The following SNPH variants were observed in gnomAD, a reference collection of about 807,000 sequenced individuals.
The protein encoded by SNPH is syntaphilin.
In SNPH, 10 loss-of-function variants were observed where a neutral mutation model predicts 36.8. That is an observed-to-expected ratio of 0.27 (90% CI 0.17 to 0.46). SNPH has a LOEUF of 0.46. SNPH is among the 20% of genes least tolerant of loss of function. SNPH has a pLI of 1.00. For missense variants in SNPH, 622 were observed against 744.0 expected (o/e 0.84, Z 1.91); for synonymous variants, 281 against 312.2 (o/e 0.90, Z 1.05).
intron 2 of SNPH, among the ~76,000 whole-genome samples, chr20:1,288,146 T>C (rs1482343637): frequency 6.6e-6 from 1 of 152,240 alleles, no homozygotes; most frequent in African/African-American, 2.4e-5. Context: ...GAGTCACTCA[T>C]GCCTGGGCCT....
rs1366815329 is a variant in SNPH at position 1,305,657 on chromosome 20, C to T, written c.1220C>T (p.Ser407Leu). ...CCTTCAGGGCCCAGAGACCCCAACT[C>T]AGCAGTGGTGGTGACAGTGGGTGAT... ...AHPSGPRDPN[S>L]AVVVTVGDEL... The change falls in exon 7 of 7, where the codon TCA becomes TTA. Residue 407 changes from serine (S) to leucine (L), a missense_variant. Coordinates refer to ENST00000381867, the MANE Select transcript of SNPH (RefSeq NM_001318234.2). The T allele has an allele frequency of 3.1e-6, 5 of 1,612,928 alleles. No homozygotes were observed. The African/African-American group carries it at 5.3e-5, about 17-fold the overall frequency.
rs753407068 is a variant in SNPH at position 1,305,448 on chromosome 20, T to C, written c.1011T>C (p.Tyr337=). 76 of 1,611,682 alleles carry C rather than the reference T, an allele frequency of 4.7e-5. 1 individual carries two copies. Among genetic ancestry groups the C allele is most frequent in the Non-Finnish European group, 6.4e-5 (76 of 1,178,746 alleles). ...CCCGCTTCCCTGCCAGCAACACCTA[T>C]GAGAAGCTGCTGTGTGGCATGGAGG... is the stretch of plus-strand genomic sequence containing the variant. The part of the protein sequence containing the change: ...LGPRFPASNT[Y]EKLLCGMEAG... Residue 337 remains tyrosine, a synonymous_variant, in exon 7 of 7, where the codon TAT becomes TAC. Coordinates refer to ENST00000381867, the MANE Select transcript of SNPH (RefSeq NM_001318234.2).
chr20:1,267,863 C>T (rs1048062918), intron 2 of SNPH, among the ~76,000 whole-genome samples: 1 of 152,198 alleles, frequency 6.6e-6, no homozygotes, highest in Admixed American at 6.5e-5. Flanking sequence ...TCCCTTCCCC[C>T]AGCCTCAGTT....
At chr20:1,301,022 T>G (rs979933427) in intron 6 of SNPH, among the ~76,000 whole-genome samples, 10 of 152,242 alleles carry the variant, frequency 6.6e-5, no homozygotes, top group Non-Finnish European at 1.5e-4. Flanking sequence ...CTTTGGCTGC[T>G]TCTTTTCCTC....
rs1307121359 is a variant in SNPH at position 1,308,058 on chromosome 20, T to C, written c.*2004T>C. On this transcript the variant is annotated 3_prime_UTR_variant, in exon 7 of 7. Transcript: ENST00000381867. ...TATATTTGACAACATAAAATCTCTC[T>C]ATTTTTCACCACTGGAATTTAGTCA... is the stretch of plus-strand genomic sequence containing the variant. 1 of 152,696 alleles carries C rather than the reference T, an allele frequency of 6.5e-6. No homozygotes were observed. The highest frequency in any genetic ancestry group is 1.5e-5 in the Non-Finnish European group (1 of 68,118). The allele number at this position is 152,696 out of a possible 1,614,324, so 9.5% of individuals were successfully genotyped here.
intron 2 of SNPH, among the ~76,000 whole-genome samples, chr20:1,292,292 G>C (rs528729696): frequency 6.6e-6 from 1 of 152,208 alleles, no homozygotes; most frequent in Non-Finnish European, 1.5e-5. Flanking sequence ...AGATGCTGCA[G>C]ATGGGACAAA....
At chr20:1,286,516 T>C (rs1466693687) in intron 2 of SNPH, among the ~76,000 whole-genome samples, 1 of 152,174 alleles carries the variant, frequency 6.6e-6, no homozygotes, top group Non-Finnish European at 1.5e-5. Flanking sequence ...GTCTCCCTGC[T>C]GAGCCCCTGG....
intron 2 of SNPH, among the ~76,000 whole-genome samples, chr20:1,270,506 G>A (rs1023275168): frequency 7.2e-5 from 11 of 152,092 alleles, no homozygotes; most frequent in Admixed American, 3.9e-4. Context: ...GGTTCTACTC[G>A]ATTTAGAATG....
At chr20:1,298,461 G>A (rs1412628477) in intron 5 of SNPH, among the ~76,000 whole-genome samples, 1 of 152,262 alleles carries the variant, frequency 6.6e-6, no homozygotes, top group African/African-American at 2.4e-5. Flanking sequence ...TAACACCCAT[G>A]TGCAGGACTC....
chr20:1,304,836 G>A lies in SNPH; in HGVS notation c.441-42G>A. 6.5e-7 allele frequency: 1 copy of A among 1,546,792 alleles called. No homozygotes were observed. Among genetic ancestry groups the A allele is most frequent in the African/African-American group, 1.4e-5 (1 of 73,916 alleles). ...CCTCTCCTTGGCGGTGACAGACCAG[G>A]CAGGCAGGCAGTGAGCGTGTGTGTG... is the stretch of plus-strand genomic sequence containing the variant. On this transcript the variant is annotated intron_variant, in intron 6 of 6. Transcript: ENST00000381867. This position sits in a 1 kb window ranked among gnomAD's most constrained non-coding sequence, Gnocchi z 4.3.
Position 1,291,063 on chromosome 20 carries a change from T to A in SNPH, c.-492-3888T>A, listed in dbSNP as rs529608199. Among the ~76,000 whole-genome samples, 241 of 152,328 alleles carry A rather than the reference T, an allele frequency of 1.6e-3. 1 individual carries two copies. The highest frequency in any genetic ancestry group is 5.6e-3 in the African/African-American group (231 of 41,562). On this transcript the variant is annotated intron_variant, in intron 2 of 6. Transcript: ENST00000381867. ...GGCCCAAGCCACCCCTCCCAGTAGG[T>A]GCAGAGGCAAGTCCTCTTGGGTGGT...
chr20:1,290,141 G>A lies in SNPH; in HGVS notation c.-492-4810G>A, dbSNP rs570863176. Among the ~76,000 whole-genome samples, 856 of 152,134 alleles carry A rather than the reference G, an allele frequency of 5.6e-3. 5 individuals carry two copies. Among genetic ancestry groups the A allele is most frequent in the Non-Finnish European group, 8.0e-3 (544 of 67,998 alleles). ...TCATGAGAATCACTTGAACCCGGGAGGCGGAGGTTGCAGTGAGCTGAGATC... is the reference window on the plus strand; with the variant it reads ...TCATGAGAATCACTTGAACCCGGGAAGCGGAGGTTGCAGTGAGCTGAGATC... On this transcript the variant is annotated intron_variant, in intron 2 of 6. Coordinates refer to ENST00000381867, the MANE Select transcript of SNPH (RefSeq NM_001318234.2).
At chr20:1,303,617 C>A (rs1159329474) in intron 6 of SNPH, among the ~76,000 whole-genome samples, 1 of 152,208 alleles carries the variant, frequency 6.6e-6, no homozygotes, top group Non-Finnish European at 1.5e-5. Flanking sequence ...TGGATGGGCC[C>A]CTTCTAGGTG....
chr20:1,292,418 T>C (rs1252494082), intron 2 of SNPH, among the ~76,000 whole-genome samples: 1 of 152,118 alleles, frequency 6.6e-6, no homozygotes, highest in Admixed American at 6.5e-5. Flanking sequence ...ATCAAGAGCT[T>C]TGCTCTGATT....
rs144877787 is a variant in SNPH at position 1,305,444 on chromosome 20, C to A, written c.1007C>A (p.Thr336Asn). The change falls in exon 7 of 7, where the codon ACC becomes AAC. Residue 336 changes from threonine (T) to asparagine (N), a missense_variant. By Grantham distance (65) the Thr-to-Asn change is moderately conservative. Transcript: ENST00000381867. ...GGCCCCCGCTTCCCTGCCAGCAACA[C>A]CTATGAGAAGCTGCTGTGTGGCATG... Reference protein sequence around the residue: ...GLGPRFPASNTYEKLLCGMEA... With the variant: ...GLGPRFPASNNYEKLLCGMEA... The A allele has an allele frequency of 5.4e-5, 87 of 1,613,248 alleles. No individual in the cohort carries two copies. In the African/African-American group the frequency reaches 9.9e-4, roughly 18 times the overall value.
chr20:1,281,398 G>A (rs1200581651), intron 2 of SNPH, among the ~76,000 whole-genome samples: 1 of 152,204 alleles, frequency 6.6e-6, no homozygotes, highest in Non-Finnish European at 1.5e-5. Context: ...CCTTAGGCCT[G>A]CCTTGACCTT....
intron 5 of SNPH, among the ~76,000 whole-genome samples, chr20:1,300,332 G>A (rs7274441): frequency 0.011 from 1,697 of 152,310 alleles, 28 homozygotes; most frequent in African/African-American, 0.032. Context: ...GCCCTAACTA[G>A]AGGAGCCCTG....
At position 1,266,573 on chromosome 20, in the gene SNPH, A is replaced by C. The variant is rs532776860; in HGVS notation, c.-599-81A>C. ...TTCTGGCTGCAGCGGCCCAGCTGTC[A>C]GCGGCCGGGGGCTCAGCTGCCTGGG... On this transcript the variant is annotated intron_variant, in intron 1 of 6. Coordinates refer to ENST00000381867, the MANE Select transcript of SNPH (RefSeq NM_001318234.2). The surrounding 1 kb of genome is among the most constrained non-coding windows in gnomAD (Gnocchi z 6.0). 3 of 1,399,962 alleles carry C rather than the reference A, an allele frequency of 2.1e-6. No homozygotes were observed. The Admixed American group carries it at 1.1e-4, about 53-fold the overall frequency. The allele number at this position is 1,399,962 out of a possible 1,614,324, so 86.7% of individuals were successfully genotyped here.
chr20:1,301,189 A>G (rs916972833), intron 6 of SNPH, among the ~76,000 whole-genome samples: 6 of 152,132 alleles, frequency 3.9e-5, no homozygotes, highest in African/African-American at 1.4e-4. Context: ...GAAGCCATCT[A>G]CTTCCTGCTG....
Sources: allele counts gnomAD v4.1 joint callset (sites outside exome capture counted in the v4.1 genomes callset), GRCh38; gene constraint gnomAD v4.1.1; non-coding constraint Gnocchi (gnomAD v3.1); transcripts MANE v1.5; gene names NCBI Gene and HGNC (gene_info 2026-07-23, HGNC 2026-07-21).